DLGAP2: variants seen among roughly 807,000 people sequenced by gnomAD.
DLGAP2 encodes the protein DLG associated protein 2.
A neutral mutation model predicts 100.3 loss-of-function variants in DLGAP2; 26 were observed. The ratio of observed to expected loss-of-function variants is 0.26; its 90% CI spans 0.19 to 0.36. The LOEUF (loss-of-function observed/expected upper bound fraction) is 0.36. Ranked by LOEUF, DLGAP2 falls within the 10% of genes least tolerant of loss-of-function variation. DLGAP2 has a pLI of 1.00. For synonymous variants in DLGAP2, 886 were observed against 630.1 expected, an observed-to-expected ratio of 1.41 and a Z score of -6.08; for missense variants, 1,858 against 1,453.2, an observed-to-expected ratio of 1.28 and a Z score of -4.53.
intron 3 of DLGAP2, among the ~76,000 whole-genome samples, chr8:1,459,283 G>T (rs1204627858): frequency 6.6e-6 from 1 of 150,502 alleles, no homozygotes; most frequent in Non-Finnish European, 1.5e-5. Context: ...TACCTGAGGT[G>T]TCACCCTACA....
chr8:1,350,227 A>C (rs1239960166), intron 3 of DLGAP2, among the ~76,000 whole-genome samples: 1 of 144,224 alleles, frequency 6.9e-6, no homozygotes, highest in East Asian at 2.1e-4. Flanking sequence ...GCGGGTCCTG[A>C]GTGTGCGTGG....
intron 2 of DLGAP2, among the ~76,000 whole-genome samples, chr8:1,191,173 AT>A (rs34977390): frequency 0.16 from 21,805 of 140,092 alleles, 1,492 homozygotes; most frequent in Admixed American, 0.25. Flanking sequence ...AAGTAGATAC[AT>A]TTTTTTTTTT....
At chr8:1,013,700 T>C (rs13271005) in intron 2 of DLGAP2, among the ~76,000 whole-genome samples, 20,467 of 37,418 alleles carry the variant, frequency 0.55, 4,752 homozygotes, top group Middle Eastern at 0.62. Flanking sequence ...GATGCCTCCA[T>C]TGTGTGTATG....
intron 2 of DLGAP2, among the ~76,000 whole-genome samples, chr8:1,250,201 T>C (rs1319401878): frequency 2.1e-4 from 23 of 111,506 alleles, no homozygotes; most frequent in African/African-American, 8.6e-4. Flanking sequence ...CTAAGCTCAC[T>C]GTGAAGATAA....
intron 2 of DLGAP2, among the ~76,000 whole-genome samples, chr8:917,374 G>A (rs964145223): frequency 2.6e-5 from 4 of 151,866 alleles, no homozygotes; most frequent in Non-Finnish European, 4.4e-5. Context: ...AAGTAGCTGA[G>A]ACTACAGGTG....
At chr8:1,147,407 C>T (rs914378685) in intron 2 of DLGAP2, among the ~76,000 whole-genome samples, 1 of 152,080 alleles carries the variant, frequency 6.6e-6, no homozygotes, top group African/African-American at 2.4e-5. Context: ...TTTCTGTAGA[C>T]ATTTTAGACT....
intron 6 of DLGAP2, among the ~76,000 whole-genome samples, chr8:1,593,202 C>G (rs1395924802): frequency 6.6e-6 from 1 of 152,062 alleles, no homozygotes; most frequent in African/African-American, 2.4e-5. Context: ...CTCCTGTAAT[C>G]CCAGCACTTT....
chr8:1,674,496 G>A (rs1227598937), intron 10 of DLGAP2, among the ~76,000 whole-genome samples: 6 of 152,178 alleles, frequency 3.9e-5, no homozygotes, highest in Non-Finnish European at 7.3e-5. Context: ...CAGAATTTAA[G>A]GTCCTTTGTT....
chr8:1,117,963 G>A (rs781691539), intron 2 of DLGAP2, among the ~76,000 whole-genome samples: 6 of 152,006 alleles, frequency 3.9e-5, no homozygotes, highest in Non-Finnish European at 5.9e-5. Flanking sequence ...AGTAGATACC[G>A]TTTTCCAGAT....
chr8:1,213,826 A>T (rs1365647531), intron 2 of DLGAP2, among the ~76,000 whole-genome samples: 3 of 152,070 alleles, frequency 2.0e-5, no homozygotes, highest in Non-Finnish European at 4.4e-5. Context: ...CTGCCTCCTG[A>T]CCTGGTCTGG....
At chr8:1,274,090 C>T (rs898245635) in intron 3 of DLGAP2, among the ~76,000 whole-genome samples, 4 of 151,842 alleles carry the variant, frequency 2.6e-5, no homozygotes, top group Non-Finnish European at 4.4e-5. Flanking sequence ...TTCAGCATAT[C>T]GGAATTTGCA....
At position 809,791 on chromosome 8, in the gene DLGAP2, C is replaced by T. The variant is rs186411726; in HGVS notation, c.18+71966C>T. Reference sequence around the variant, plus strand: ...GGAAAGGGAAGTGCTGCCATTCTCCCGGTGTCCTAAGGTGATGAGTTTTCT... The same window carrying T: ...GGAAAGGGAAGTGCTGCCATTCTCCTGGTGTCCTAAGGTGATGAGTTTTCT... On this transcript the variant is annotated intron_variant, in intron 1 of 14. Transcript: ENST00000637795. 3.6e-4 allele frequency among the ~76,000 whole-genome samples: 55 copies of T among 152,250 alleles called. No homozygotes were observed. The South Asian group carries it at 7.3e-3, about 20-fold the overall frequency.
intron 1 of DLGAP2, among the ~76,000 whole-genome samples, chr8:859,275 C>G (rs1191163789): frequency 2.6e-5 from 4 of 152,046 alleles, no homozygotes; most frequent in Non-Finnish European, 1.5e-5. Flanking sequence ...CGAAGCCTGG[C>G]TAATTTTTGT....
At chr8:1,339,421 GCAA>G (rs1801369189) in intron 3 of DLGAP2, among the ~76,000 whole-genome samples, 1 of 152,200 alleles carries the variant, frequency 6.6e-6, no homozygotes, top group African/African-American at 2.4e-5. Context: ...TGAGGCATCA[GCAA>G]GAAGGTGATT....
chr8:1,383,842 A>G (rs994024777), intron 3 of DLGAP2, among the ~76,000 whole-genome samples: 4 of 152,214 alleles, frequency 2.6e-5, no homozygotes, highest in Non-Finnish European at 4.4e-5. Flanking sequence ...AGAGTAAACT[A>G]ATGAATCTCT....
intron 3 of DLGAP2, among the ~76,000 whole-genome samples, chr8:1,341,963 T>C (rs1032255766): frequency 1.3e-5 from 2 of 152,164 alleles, no homozygotes; most frequent in African/African-American, 4.8e-5. Context: ...CTTTGTTTTA[T>C]TTTTTGAGAC....
At chr8:1,223,726 C>G (rs17063710) in intron 2 of DLGAP2, among the ~76,000 whole-genome samples, 9,222 of 152,210 alleles carry the variant, frequency 0.061, 623 homozygotes, top group African/African-American at 0.17. Context: ...ATGGAGGGTT[C>G]TGTGATGACT....
At chr8:849,490 C>G (rs1797140592) in intron 1 of DLGAP2, among the ~76,000 whole-genome samples, 1 of 152,152 alleles carries the variant, frequency 6.6e-6, no homozygotes, top group African/African-American at 2.4e-5. Flanking sequence ...GTGGCTGTGT[C>G]AATGGTAGTG....
intron 4 of DLGAP2, among the ~76,000 whole-genome samples, chr8:1,530,368 C>T (rs1584895998): frequency 1.3e-5 from 2 of 152,292 alleles, no homozygotes; most frequent in Non-Finnish European, 2.9e-5. Flanking sequence ...CTGCCCAGCT[C>T]ACCGGTGGTC....
Sources: allele counts gnomAD v4.1 joint callset (sites outside exome capture counted in the v4.1 genomes callset), GRCh38; gene constraint gnomAD v4.1.1; transcripts MANE v1.5; gene names NCBI Gene and HGNC (gene_info 2026-07-23, HGNC 2026-07-21).